Variants in GET1 observed in about 807,000 individuals in gnomAD.
GET1 encodes guided entry of tail-anchored proteins factor 1.
In GET1, 20 loss-of-function variants were observed where a neutral mutation model predicts 22.6. That is an observed-to-expected ratio of 0.89 (90% CI 0.62 to 1.29). GET1 has a LOEUF of 1.29. Ranked by LOEUF, GET1 falls within the 50% of genes most tolerant of loss-of-function variation. The pLI, the probability that GET1 is intolerant of heterozygous loss-of-function variation, is 0.00. For synonymous variants in GET1, 92 were observed against 83.8 expected, an observed-to-expected ratio of 1.10 and a Z score of -0.53; for missense variants, 209 against 219.9, an observed-to-expected ratio of 0.95 and a Z score of 0.31.
At chr21:39,380,914 TTCTTGGG>T in intron 1 of GET1, 1 of 993,116 alleles carries the variant, frequency 1.0e-6, no homozygotes, top group Non-Finnish European at 1.2e-6. Context: ...GGAGCCCACA[TTCTTGGG>T]GTGGGTAGGG....
At chr21:39,391,688 G>T in intron 2 of GET1, 81 bp from the exon 3 acceptor site, 1 of 1,336,116 alleles carries the variant, frequency 7.5e-7, no homozygotes. Flanking sequence ...TATTATAAGG[G>T]AAAATAACAT....
chr21:39,399,913 T>A (rs1483369357), downstream of GET1, among the ~76,000 whole-genome samples: 2 of 16,006 alleles, frequency 1.2e-4, no homozygotes, highest in African/African-American at 3.3e-4. Context: ...TTTTTTTAAT[T>A]TTTTTTTTTT....
chr21:39,396,107 A>G (rs2038624587), intron 4 of GET1, among the ~76,000 whole-genome samples: 1 of 152,184 alleles, frequency 6.6e-6, no homozygotes. Flanking sequence ...AGAAAGTGAC[A>G]AATTCGGGCT....
intron 3 of GET1, among the ~76,000 whole-genome samples, chr21:39,392,624 G>A (rs1368784918): frequency 6.6e-6 from 1 of 152,178 alleles, no homozygotes; most frequent in Non-Finnish European, 1.5e-5. Flanking sequence ...ATGCTGTGGG[G>A]GGATGGAGGG....
At chr21:39,427,976 T>C in intron 1 of GET1, 1 of 464,056 alleles carries the variant, frequency 2.2e-6, no homozygotes, top group South Asian at 2.8e-5. Context: ...GCTTTACATG[T>C]GAAGCCTTTC....
intron 4 of GET1, chr21:39,405,722 A>T: frequency 2.1e-6 from 1 of 478,014 alleles, no homozygotes; most frequent in Non-Finnish European, 3.6e-6. Context: ...TAGATTTTTT[A>T]CTAGATTAGC....
chr21:39,380,585 G>A (rs1487685770), intron 1 of GET1, 99 bp downstream of exon 1: 1 of 1,523,708 alleles, frequency 6.6e-7, no homozygotes, highest in East Asian at 2.5e-5. Context: ...GGCGACTGAA[G>A]GCCGTAGTAG....
intron 1 of GET1, chr21:39,422,905 C>G: frequency 7.3e-7 from 1 of 1,379,202 alleles, no homozygotes; most frequent in East Asian, 2.3e-5. Context: ...GGGGGCGCAT[C>G]CATGATTAAT....
intron 4 of GET1, among the ~76,000 whole-genome samples, chr21:39,403,588 C>A (rs2038899063): frequency 6.7e-6 from 1 of 150,152 alleles, no homozygotes; most frequent in Non-Finnish European, 1.5e-5. Context: ...TCCCAAAGTG[C>A]TGGGGTGAGC....
At chr21:39,393,546 C>CT (rs1322512197) in intron 4 of GET1, among the ~76,000 whole-genome samples, 1 of 152,224 alleles carries the variant, frequency 6.6e-6, no homozygotes, top group African/African-American at 2.4e-5. Flanking sequence ...TACGTCAAGT[C>CT]TGATACCCCA....
intron 1 of GET1, among the ~76,000 whole-genome samples, chr21:39,416,006 C>G (rs1283632610): frequency 2.0e-5 from 3 of 152,160 alleles, no homozygotes; most frequent in Non-Finnish European, 4.4e-5. Flanking sequence ...CTAGGAGCCA[C>G]TGATGATCAT....
At chr21:39,419,370 T>A (rs950706559) in intron 1 of GET1, among the ~76,000 whole-genome samples, 1 of 151,644 alleles carries the variant, frequency 6.6e-6, no homozygotes, top group African/African-American at 2.4e-5. Flanking sequence ...ACAAAAATTT[T>A]AAAAATTAGC....
downstream of GET1, chr21:39,410,927 A>C: frequency 2.1e-6 from 1 of 471,184 alleles, no homozygotes; most frequent in South Asian, 1.5e-5. Context: ...ACTTCTTCTA[A>C]TAAAACAGAG....
intron 4 of GET1, among the ~76,000 whole-genome samples, chr21:39,404,786 T>TAAGCTTGG (rs2038953930): frequency 7.1e-6 from 1 of 141,776 alleles, no homozygotes; most frequent in Non-Finnish European, 1.5e-5. Flanking sequence ...TTCATGAAAC[T>TAAGCTTGG]AAGCTTGGTA....
intron 1 of GET1, among the ~76,000 whole-genome samples, chr21:39,382,336 T>C (rs1171602847): frequency 6.6e-6 from 1 of 152,216 alleles, no homozygotes; most frequent in African/African-American, 2.4e-5. Context: ...ATTACAGGCG[T>C]GTGCCACCAC....
At chr21:39,423,570 C>T in intron 1 of GET1, 1 of 1,220,566 alleles carries the variant, frequency 8.2e-7, no homozygotes, top group Non-Finnish European at 1.1e-6. Context: ...ATCTCTCTCC[C>T]ATGCCCCCAT....
chr21:39,404,750 C>CAAAAAA (rs748914343), intron 4 of GET1, among the ~76,000 whole-genome samples: 1 of 88,152 alleles, frequency 1.1e-5, no homozygotes, highest in Non-Finnish European at 2.0e-5. Context: ...GAGACACTGT[C>CAAAAAA]AAAAAAAAAA....
exon 5 of GET1, chr21:39,406,059 G>A (rs755278588): frequency 5.6e-6 from 9 of 1,614,066 alleles, no homozygotes; most frequent in Non-Finnish European, 7.6e-6. Context: ...GACTTGATTG[G>A]TCAGTTTTCA....
At chr21:39,425,022 G>A (rs1001895009) in intron 1 of GET1, among the ~76,000 whole-genome samples, 1 of 152,212 alleles carries the variant, frequency 6.6e-6, no homozygotes, top group Non-Finnish European at 1.5e-5. Context: ...CCCCACAGGT[G>A]TGTGCATTTG....
Sources: allele counts gnomAD v4.1 joint callset (sites outside exome capture counted in the v4.1 genomes callset), GRCh38; gene constraint gnomAD v4.1.1; transcripts MANE v1.5; gene names NCBI Gene and HGNC (gene_info 2026-07-23, HGNC 2026-07-21).